The following NSF variants were observed in gnomAD, a reference collection of about 807,000 sequenced individuals.
NSF encodes N-ethylmaleimide sensitive factor, vesicle fusing ATPase.
In NSF, 14 loss-of-function variants were observed where a neutral mutation model predicts 50.3. That is an observed-to-expected ratio of 0.28 (90% CI 0.18 to 0.44). NSF has a LOEUF of 0.44. Among genes scored for constraint, NSF ranks in the 20% least tolerant of loss-of-function variants. The probability of loss-of-function intolerance (pLI) is 1.00; values close to 1 mark genes in which losing one functional copy is unlikely to be tolerated. For missense variants in NSF, 218 were observed against 504.3 expected, an observed-to-expected ratio of 0.43 and a Z score of 5.44; for synonymous variants, 109 against 175.7, an observed-to-expected ratio of 0.62 and a Z score of 3.00.
At chr17:46,607,981 G>A (rs2057967299) in intron 1 of NSF, among the ~76,000 whole-genome samples, 1 of 131,780 alleles carries the variant, frequency 7.6e-6, no homozygotes, top group Non-Finnish European at 1.5e-5. Flanking sequence ...ACACCATTGA[G>A]GAGAAAGACC....
chr17:46,726,410 A>G, intron 15 of NSF, 139 bp from the exon 16 acceptor site: 1 of 779,432 alleles, frequency 1.3e-6, no homozygotes, highest in Non-Finnish European at 2.2e-6. Flanking sequence ...CCAGTGTGTC[A>G]ATTCTAATTT....
Position 46,622,793 on chromosome 17 carries a change from TAAG to T in NSF, c.13-1448_13-1446del, listed in dbSNP as rs1258347918. Among the ~76,000 whole-genome samples, 3 of 150,248 alleles carry T rather than the reference TAAG, an allele frequency of 2.0e-5. 1 individual carries two copies. The highest frequency in any genetic ancestry group is 7.5e-5 in the African/African-American group (3 of 39,968). On this transcript the variant is annotated intron_variant, in intron 1 of 20. Transcript: ENST00000398238. ...GTCAAAAAACAAAACAACACATAAA[TAAG>T]AAATTGTGTAAAGTCAATATAAATA... is the stretch of plus-strand genomic sequence containing the variant.
intron 15 of NSF, among the ~76,000 whole-genome samples, chr17:46,722,768 G>A (rs1222129374): frequency 6.6e-6 from 1 of 152,182 alleles, no homozygotes; most frequent in Admixed American, 6.5e-5. Context: ...AGGGATGTGT[G>A]TGTATGTATG....
chr17:46,751,156 G>T (rs1422335968), intron 18 of NSF, among the ~76,000 whole-genome samples: 1 of 152,154 alleles, frequency 6.6e-6, no homozygotes, highest in Admixed American at 6.5e-5. Flanking sequence ...CTGGGTAAGA[G>T]AATTAAAGGA....
At chr17:46,729,519 T>G (rs1167638336) in intron 17 of NSF, among the ~76,000 whole-genome samples, 1 of 139,226 alleles carries the variant, frequency 7.2e-6, no homozygotes, top group African/African-American at 2.7e-5. Context: ...GTTAACAAAT[T>G]TAAAACCAAC....
intron 18 of NSF, among the ~76,000 whole-genome samples, chr17:46,751,137 G>A (rs1419180381): frequency 6.6e-6 from 1 of 152,140 alleles, no homozygotes; most frequent in Non-Finnish European, 1.5e-5. Flanking sequence ...GACAGCTTTT[G>A]TGCAGAAGCT....
intron 15 of NSF, chr17:46,722,199 CT>C: frequency 6.3e-7 from 1 of 1,581,266 alleles, no homozygotes; most frequent in Non-Finnish European, 8.7e-7. Flanking sequence ...GCAGCGCCTG[CT>C]TAGGAAGAGA....
chr17:46,715,362 A>G (rs560300887), intron 15 of NSF, among the ~76,000 whole-genome samples: 2 of 152,140 alleles, frequency 1.3e-5, no homozygotes, highest in African/African-American at 4.8e-5. Context: ...TTTCCCTCTG[A>G]TGGGAACCCT....
chr17:46,718,529 A>G (rs2058797158), intron 15 of NSF, among the ~76,000 whole-genome samples: 1 of 152,212 alleles, frequency 6.6e-6, no homozygotes, highest in African/African-American at 2.4e-5. Flanking sequence ...ATAACTAAAA[A>G]TTTAAAATTT....
At chr17:46,737,017 T>A (rs12453054) in intron 17 of NSF, among the ~76,000 whole-genome samples, 6,119 of 152,250 alleles carry the variant, frequency 0.04, 605 homozygotes, top group East Asian at 0.25. Flanking sequence ...GGAAGTTTCT[T>A]TTTCACCAAA....
At chr17:46,745,887 C>T (rs1376489026) in intron 17 of NSF, among the ~76,000 whole-genome samples, 1 of 152,082 alleles carries the variant, frequency 6.6e-6, no homozygotes, top group Non-Finnish European at 1.5e-5. Flanking sequence ...ACCTCAACAC[C>T]CAGCTTTTGT....
intron 9 of NSF, among the ~76,000 whole-genome samples, chr17:46,684,539 G>T (rs1425232511): frequency 2.0e-5 from 3 of 152,036 alleles, no homozygotes; most frequent in African/African-American, 7.2e-5. Flanking sequence ...GCATGGTACT[G>T]TTACCAAAAC....
At chr17:46,749,637 G>A in intron 17 of NSF, 136 bp from the exon 18 acceptor site, 6 of 767,356 alleles carry the variant, frequency 7.8e-6, no homozygotes, top group Admixed American at 3.2e-5. Flanking sequence ...ATCCTGAATT[G>A]TTTTCTTCTG....
intron 15 of NSF, among the ~76,000 whole-genome samples, chr17:46,715,668 G>A (rs531542356): frequency 6.6e-6 from 1 of 152,176 alleles, no homozygotes; most frequent in Admixed American, 6.5e-5. Flanking sequence ...CTTTGTAAGT[G>A]TGAGATATTA....
intron 15 of NSF, among the ~76,000 whole-genome samples, 195 bp from the exon 16 acceptor site, chr17:46,726,354 G>GC (rs2058889414): frequency 6.6e-6 from 1 of 152,224 alleles, no homozygotes; most frequent in Non-Finnish European, 1.5e-5. Flanking sequence ...ACACACAGCT[G>GC]TTAGTGCTGA....
chr17:46,748,364 G>A (rs891694406), intron 17 of NSF, among the ~76,000 whole-genome samples: 2 of 152,082 alleles, frequency 1.3e-5, no homozygotes, highest in Non-Finnish European at 2.9e-5. Context: ...CACCTGCCTC[G>A]GCCTCCCACA....
intron 8 of NSF, among the ~76,000 whole-genome samples, chr17:46,672,013 G>A (rs1193743991): frequency 1.6e-5 from 2 of 128,886 alleles, no homozygotes; most frequent in Middle Eastern, 3.7e-3. Flanking sequence ...AGAATCAACA[G>A]TTTACTTATT....
intron 19 of NSF, 52 bp from the exon 20 acceptor site, chr17:46,755,262 G>A: frequency 1.5e-6 from 2 of 1,367,716 alleles, no homozygotes; most frequent in East Asian, 2.3e-5. Flanking sequence ...AGCAAGTGCA[G>A]AGTTGTTAGA....
chr17:46,749,389 G>T (rs1324558555), intron 17 of NSF, among the ~76,000 whole-genome samples: 1 of 152,144 alleles, frequency 6.6e-6, no homozygotes, highest in Non-Finnish European at 1.5e-5. Context: ...GCCTTGTAAA[G>T]CCAGCGCCAC....
Sources: gnomAD v4.1 joint callset for allele counts (sites outside exome capture counted in the v4.1 genomes callset) on GRCh38, gnomAD v4.1.1 for gene constraint, MANE v1.5 for transcripts, NCBI Gene and HGNC (gene_info 2026-07-23, HGNC 2026-07-21) for gene names.